The following SMURF2 variants were observed in gnomAD, a reference collection of about 807,000 sequenced individuals.
The protein encoded by SMURF2 is SMAD specific E3 ubiquitin protein ligase 2.
In SMURF2, 48 loss-of-function variants were observed where a neutral mutation model predicts 109.6. That is an observed-to-expected ratio of 0.44 (90% CI 0.35 to 0.56). The LOEUF (loss-of-function observed/expected upper bound fraction) is 0.56. SMURF2 is among the 20% of genes least tolerant of loss of function. SMURF2 has a pLI of 0.01. For missense variants in SMURF2, 575 were observed against 909.0 expected (o/e 0.63, Z 4.72); for synonymous variants, 288 against 317.1 (o/e 0.91, Z 0.97).
At chr17:64,589,861 C>T (rs781909611) in intron 5 of SMURF2, among the ~76,000 whole-genome samples, 3 of 152,050 alleles carry the variant, frequency 2.0e-5, no homozygotes, top group Non-Finnish European at 4.4e-5. Context: ...CCTGAAACCA[C>T]CTCCACCCCC....
chr17:64,567,636 A>G (rs1187975639), intron 10 of SMURF2, among the ~76,000 whole-genome samples: 1 of 152,218 alleles, frequency 6.6e-6, no homozygotes, highest in African/African-American at 2.4e-5. Context: ...CAGGCCACAC[A>G]TAAAATACAC....
At chr17:64,602,691 G>T (rs1268567641) in intron 2 of SMURF2, among the ~76,000 whole-genome samples, 12 of 152,158 alleles carry the variant, frequency 7.9e-5, no homozygotes, top group African/African-American at 2.9e-4. Context: ...CACTTTGGGA[G>T]GCCGAAGTGG....
At chr17:64,639,732 G>C (rs560603308) in intron 1 of SMURF2, among the ~76,000 whole-genome samples, 75 of 152,152 alleles carry the variant, frequency 4.9e-4, no homozygotes, top group Non-Finnish European at 9.0e-4. Flanking sequence ...ACCTAAAATG[G>C]GGAAGTTTAA....
At chr17:64,566,561 G>GTTTGTTTGTTTTTTTTT (rs1969305868) in intron 10 of SMURF2, among the ~76,000 whole-genome samples, 25 of 43,782 alleles carry the variant, frequency 5.7e-4, no homozygotes, top group African/African-American at 1.7e-3. Context: ...AAGCTTTCTG[G>GTTTGTTTGTTTTTTTTT]TTTTTTTTTT....
intron 1 of SMURF2, among the ~76,000 whole-genome samples, chr17:64,611,827 T>C (rs1970048572): frequency 1.3e-5 from 2 of 152,186 alleles, no homozygotes; most frequent in African/African-American, 4.8e-5. Flanking sequence ...AAACTTATAT[T>C]GGCTTCAATG....
intron 2 of SMURF2, among the ~76,000 whole-genome samples, chr17:64,603,555 C>G (rs549755187): frequency 6.9e-6 from 1 of 145,008 alleles, no homozygotes. Flanking sequence ...GCACTCTAGC[C>G]GGGGGACAGA....
chr17:64,618,961 A>C (rs1370928281), intron 1 of SMURF2, among the ~76,000 whole-genome samples: 1 of 152,168 alleles, frequency 6.6e-6, no homozygotes, highest in Non-Finnish European at 1.5e-5. Flanking sequence ...GACCCTAAAA[A>C]CTACTTAACT....
In SMURF2 at chr17:64,545,915, C is replaced by G; in HGVS notation, c.2180G>C (p.Ser727Thr). 1 of 1,611,506 alleles carries G rather than the reference C, an allele frequency of 6.2e-7. No homozygotes were observed. The change falls in exon 19 of 19, where the codon AGC becomes ACC. Residue 727 changes from serine to threonine, a missense_variant. Ser to Thr is a moderately conservative substitution (Grantham distance 58, BLOSUM62 1). Transcript: ENST00000262435. ...FNRIDIPPYE[S>T]YEKLYEKLLT... ...CAGCTTTTCATATAGCTTTTCATAG[C>G]TTTCATAGGGTGGAATGTCTATTCG...
At chr17:64,642,012 G>A (rs1970498716) in intron 1 of SMURF2, among the ~76,000 whole-genome samples, 1 of 152,172 alleles carries the variant, frequency 6.6e-6, no homozygotes, top group Non-Finnish European at 1.5e-5. Context: ...TCACCATGTT[G>A]CACAGGCTGG....
chr17:64,569,000 T>C (rs1159858283), intron 10 of SMURF2, among the ~76,000 whole-genome samples: 1 of 140,508 alleles, frequency 7.1e-6, no homozygotes, highest in Admixed American at 7.1e-5. Context: ...AGACTCCATC[T>C]CAAAAAAAAT....
chr17:64,571,342 AC>A (rs1167955645), intron 10 of SMURF2, among the ~76,000 whole-genome samples: 25 of 152,288 alleles, frequency 1.6e-4, no homozygotes, highest in Admixed American at 1.3e-4. Context: ...ATCAGAGTAA[AC>A]CTTGTCACAC....
chr17:64,662,290 C>T lies in SMURF2; in HGVS notation c.-410G>A, dbSNP rs1233231073. 2.9e-5 allele frequency: 28 copies of T among 980,316 alleles called. No individual in the cohort carries two copies. The highest frequency in any genetic ancestry group is 3.3e-5 in the Non-Finnish European group (27 of 826,866). 60.7% of individuals were successfully genotyped at this position (980,316 alleles called of 1,614,324 possible). Reference sequence around the variant, plus strand: ...ACTCTGGGCTCGGCCGCTTCCTCCTCCACCCGCCCTCTTGTCTGAGGGACC... The same window carrying T: ...ACTCTGGGCTCGGCCGCTTCCTCCTTCACCCGCCCTCTTGTCTGAGGGACC... On this transcript the variant is annotated 5_prime_UTR_variant, in exon 1 of 19. Transcript: ENST00000262435.
chr17:64,629,944 A>G (rs1970315939), intron 1 of SMURF2, among the ~76,000 whole-genome samples: 1 of 152,134 alleles, frequency 6.6e-6, no homozygotes. Context: ...TCCTTTAAGA[A>G]CTGAGAAAGG....
chr17:64,625,065 A>C (rs1382942447), intron 1 of SMURF2, among the ~76,000 whole-genome samples: 1 of 152,098 alleles, frequency 6.6e-6, no homozygotes, highest in African/African-American at 2.4e-5. Flanking sequence ...AAGGAAGCAT[A>C]AGCATTTAGA....
At chr17:64,601,591 C>T (rs1969896877) in intron 2 of SMURF2, among the ~76,000 whole-genome samples, 2 of 152,076 alleles carry the variant, frequency 1.3e-5, no homozygotes, top group Non-Finnish European at 2.9e-5. Context: ...CACTTTTACA[C>T]GGCTGGTAGT....
At chr17:64,598,633 TAA>T in intron 2 of SMURF2, 143 bp from the exon 3 acceptor site, 1 of 588,318 alleles carries the variant, frequency 1.7e-6, no homozygotes, top group African/African-American at 1.9e-5. Flanking sequence ...GTCCATTTTT[TAA>T]AAAAAAAGAC....
intron 2 of SMURF2, 134 bp from the exon 3 acceptor site, chr17:64,598,624 T>A: frequency 1.6e-6 from 1 of 617,056 alleles, no homozygotes; most frequent in Non-Finnish European, 2.5e-6. Context: ...AAATGAATAG[T>A]CCATTTTTTA....
chr17:64,577,735 A>T (rs1479638066), intron 9 of SMURF2, among the ~76,000 whole-genome samples: 2 of 151,862 alleles, frequency 1.3e-5, no homozygotes, highest in Non-Finnish European at 2.9e-5. Context: ...AACTGGGACC[A>T]CAACAGATGT....
intron 16 of SMURF2, among the ~76,000 whole-genome samples, chr17:64,548,946 C>T (rs1054671387): frequency 4.6e-5 from 7 of 151,932 alleles, no homozygotes; most frequent in Admixed American, 3.9e-4. Context: ...GAATTACACC[C>T]AGGATTAATA....
Sources: allele counts gnomAD v4.1 joint callset (sites outside exome capture counted in the v4.1 genomes callset), GRCh38; gene constraint gnomAD v4.1.1; transcripts MANE v1.5; gene names NCBI Gene and HGNC (gene_info 2026-07-23, HGNC 2026-07-21).